The following APC variants were observed in gnomAD, a reference collection of about 807,000 sequenced individuals.
The protein encoded by APC is adenomatous polyposis coli protein.
In APC, 72 loss-of-function variants were observed where a neutral mutation model predicts 247.0. That is an observed-to-expected ratio of 0.29 (90% CI 0.24 to 0.35). The LOEUF is 0.35. Ranked by LOEUF, APC falls within the 10% of genes least tolerant of loss-of-function variation. The probability of loss-of-function intolerance (pLI) is 1.00; values close to 1 mark genes in which losing one functional copy is unlikely to be tolerated. For missense variants in APC, 3,400 were observed against 3,360.7 expected (o/e 1.01, Z -0.29); for synonymous variants, 1,254 against 1,162.5 (o/e 1.08, Z -1.60).
rs367782881 is a variant in APC, at chr5:112,839,794, G to C, written c.4200G>C (p.Ser1400=). ...VSSLDSFESR[S]IASSVQSEPC... ...CACTTGATAGTTTTGAGAGTCGTTC[G>C]ATTGCCAGCTCCGTTCAGAGTGAAC... Residue 1400 remains serine (S), a synonymous_variant, in exon 16 of 16, where the codon TCG becomes TCC. Transcript: ENST00000257430. This position sits in a 1 kb window ranked among gnomAD's most constrained non-coding sequence, Gnocchi z 5.0. 4 of 1,613,944 alleles carry C rather than the reference G, an allele frequency of 2.5e-6. No homozygotes were observed. Among genetic ancestry groups the C allele is most frequent in the Non-Finnish European group, 3.4e-6 (4 of 1,180,018 alleles).
rs1023200771 is a variant in APC at position 112,845,494 on chromosome 5, G to T, written c.*1368G>T. On this transcript the variant is annotated 3_prime_UTR_variant, in exon 16 of 16. Coordinates refer to ENST00000257430, the MANE Select transcript of APC (RefSeq NM_000038.6). ...ATGAACACTTTTTATCACCCTGTAT[G>T]TTAGGGCAAGATCTCAGCAGTGAAG... 1 of 233,336 alleles carries T rather than the reference G, an allele frequency of 4.3e-6. No individual in the cohort carries two copies. The highest frequency in any genetic ancestry group is 2.2e-5 in the African/African-American group (1 of 45,440). 14.5% of individuals were successfully genotyped at this position (233,336 alleles called of 1,614,324 possible).
intron 9 of APC, among the ~76,000 whole-genome samples, chr5:112,817,504 T>G (rs1375807927): frequency 1.3e-5 from 2 of 152,162 alleles, no homozygotes; most frequent in Non-Finnish European, 2.9e-5. Flanking sequence ...CATATTTCTC[T>G]AAATGAGAAA....
intron 8 of APC, among the ~76,000 whole-genome samples, chr5:112,803,156 T>G (rs1761015299): frequency 6.6e-6 from 1 of 152,284 alleles, no homozygotes; most frequent in South Asian, 2.1e-4. Context: ...ACAGGCATTC[T>G]CATATGTTGC....
Position 112,813,717 on chromosome 5 carries a change from G to T in APC, c.835-1778G>T, listed in dbSNP as rs565393993. Among the ~76,000 whole-genome samples, 10 of 149,120 alleles carry T rather than the reference G, an allele frequency of 6.7e-5. No homozygotes were observed. In the East Asian group the frequency reaches 1.8e-3, roughly 27 times the overall value. On this transcript the variant is annotated intron_variant, in intron 8 of 15. Coordinates refer to ENST00000257430, the MANE Select transcript of APC (RefSeq NM_000038.6). ...AGGATCACTTGAGCCAAAGAATTCAGAGCCAGCCTGGGCAACATAGTGAAA... is the reference window on the plus strand; with the variant it reads ...AGGATCACTTGAGCCAAAGAATTCATAGCCAGCCTGGGCAACATAGTGAAA...
At chr5:112,712,410 G>A (rs1372391971) in intron 1 of APC, among the ~76,000 whole-genome samples, 1 of 151,950 alleles carries the variant, frequency 6.6e-6, no homozygotes, top group African/African-American at 2.4e-5. Context: ...TGAGACCGAC[G>A]GGGTTTCACT....
chr5:112,785,714 A>G (rs1030628539), intron 6 of APC, among the ~76,000 whole-genome samples: 10 of 152,218 alleles, frequency 6.6e-5, no homozygotes, highest in African/African-American at 2.4e-4. Flanking sequence ...CAGAAGTTAC[A>G]TTATAAATTT....
chr5:112,767,891 CATAATT>C (rs955305096), intron 4 of APC, among the ~76,000 whole-genome samples: 1 of 152,016 alleles, frequency 6.6e-6, no homozygotes, highest in Non-Finnish European at 1.5e-5. Flanking sequence ...GAGTAATACA[CATAATT>C]ATTATATTTA....
intron 2 of APC, among the ~76,000 whole-genome samples, chr5:112,757,166 T>C (rs1755073198): frequency 6.6e-6 from 1 of 152,198 alleles, no homozygotes; most frequent in Admixed American, 6.5e-5. Context: ...TTCCTTAGAA[T>C]TGGACATGTG....
intron 2 of APC, among the ~76,000 whole-genome samples, chr5:112,756,144 T>C (rs993002448): frequency 6.6e-5 from 10 of 152,234 alleles, no homozygotes; most frequent in Non-Finnish European, 1.3e-4. Context: ...CTCCAGACTT[T>C]TGTGTGTCAC....
intron 1 of APC, among the ~76,000 whole-genome samples, chr5:112,748,774 C>G (rs1424535300): frequency 6.6e-6 from 1 of 152,072 alleles, no homozygotes; most frequent in African/African-American, 2.4e-5. Flanking sequence ...GATCATGCCA[C>G]TGCACTCCAG....
At chr5:112,800,039 AAT>A (rs1424459428) in intron 7 of APC, among the ~76,000 whole-genome samples, 5 of 152,114 alleles carry the variant, frequency 3.3e-5, no homozygotes, top group Admixed American at 1.3e-4. Context: ...GGCATTTGTC[AAT>A]TTTACCTTTA....
chr5:112,729,999 G>A (rs920975192), intron 1 of APC, among the ~76,000 whole-genome samples: 3 of 152,078 alleles, frequency 2.0e-5, no homozygotes, highest in South Asian at 2.1e-4. Flanking sequence ...ATGCCCATAC[G>A]ATAACCCCAA....
At chr5:112,830,170 TAGAA>T (rs1184855654) in intron 14 of APC, among the ~76,000 whole-genome samples, 1 of 152,180 alleles carries the variant, frequency 6.6e-6, no homozygotes, top group Non-Finnish European at 1.5e-5. Flanking sequence ...ATTTATTAGA[TAGAA>T]AAGCATTCAG....
At chr5:112,836,993 G>A (rs1005360611) in intron 15 of APC, among the ~76,000 whole-genome samples, 1 of 152,172 alleles carries the variant, frequency 6.6e-6, no homozygotes, top group Admixed American at 6.5e-5. Flanking sequence ...GAGCCACTGT[G>A]TCTGGCCAAG....
intron 6 of APC, among the ~76,000 whole-genome samples, chr5:112,788,444 A>G (rs1172179761): frequency 1.3e-5 from 2 of 152,156 alleles, no homozygotes; most frequent in Admixed American, 6.5e-5. Flanking sequence ...CAGACCTGCC[A>G]CTTAGCAACA....
chr5:112,795,801 C>T (rs1043876436), intron 7 of APC, among the ~76,000 whole-genome samples: 4 of 152,002 alleles, frequency 2.6e-5, no homozygotes, highest in African/African-American at 7.3e-5. Flanking sequence ...CAAGTGAAAT[C>T]GAAATGTAAA....
chr5:112,711,272 A>T (rs1397966921), intron 1 of APC, among the ~76,000 whole-genome samples: 3 of 152,222 alleles, frequency 2.0e-5, no homozygotes, highest in Non-Finnish European at 4.4e-5. Context: ...CATGTTCTTT[A>T]TGAGAATCTA....
At chr5:112,741,022 C>T (rs986544281) in intron 1 of APC, among the ~76,000 whole-genome samples, 2 of 152,058 alleles carry the variant, frequency 1.3e-5, no homozygotes, top group Admixed American at 6.5e-5. Context: ...CTGAAACCTA[C>T]CTATGCAGCA....
At chr5:112,810,248 A>C in intron 8 of APC, 1 of 400,984 alleles carries the variant, frequency 2.5e-6, no homozygotes, top group South Asian at 1.8e-5. Context: ...AAAGGGATGG[A>C]CCTTAGATAG....
Sources: gnomAD v4.1 joint callset for allele counts (sites outside exome capture counted in the v4.1 genomes callset) on GRCh38, gnomAD v4.1.1 for gene constraint, Gnocchi (gnomAD v3.1) non-coding constraint, MANE v1.5 for transcripts, NCBI Gene and HGNC (gene_info 2026-07-23, HGNC 2026-07-21) for gene names.